The following ITPR1 variants were observed in gnomAD, a reference collection of about 807,000 sequenced individuals.
The protein encoded by ITPR1 is inositol 1,4,5-trisphosphate receptor type 1, also known as inositol 1,4,5-trisphosphate-gated calcium channel ITPR1.
ITPR1 carries 96 observed loss-of-function variants against 318.4 expected under a neutral mutation model. The ratio of observed to expected loss-of-function variants is 0.30; its 90% confidence interval spans 0.26 to 0.36. ITPR1 has a LOEUF of 0.36. ITPR1 is among the 10% of genes least tolerant of loss of function. The probability of loss-of-function intolerance (pLI) is 1.00; values close to 1 mark genes in which losing one functional copy is unlikely to be tolerated. For synonymous variants in ITPR1, 1,312 were observed against 1,289.9 expected (o/e 1.02, Z -0.37); for missense variants, 2,440 against 3,460.2 (o/e 0.71, Z 7.40).
At chr3:4,577,176 G>A (rs1330931491) in intron 4 of ITPR1, among the ~76,000 whole-genome samples, 1 of 152,274 alleles carries the variant, frequency 6.6e-6, no homozygotes, top group Admixed American at 6.5e-5. Flanking sequence ...TGAGGGCCCT[G>A]GGCACATGAT....
chr3:4,521,471 T>A (rs2082559864), intron 4 of ITPR1, among the ~76,000 whole-genome samples: 1 of 152,188 alleles, frequency 6.6e-6, no homozygotes, highest in South Asian at 2.1e-4. Context: ...TTAGATACCT[T>A]CTTTAAGAGG....
In ITPR1 at chr3:4,800,550, A is replaced by G; in HGVS notation, c.7057A>G (p.Ile2353Val). ...ALIASTILRL[I>V]FSVGLQPTLF... ...AATTGCCTCCACAATTCTACGACTG[A>G]TATTTTCAGTCGGGTTACAACCCAC... is the stretch of plus-strand genomic sequence containing the variant. The change falls in exon 54 of 62, where the codon ATA becomes GTA. Residue 2353 changes from isoleucine to valine, a missense_variant. Transcript: ENST00000649015. The G allele has an allele frequency of 6.2e-7, 1 of 1,614,008 alleles. No homozygotes were observed. The highest frequency in any genetic ancestry group is 8.5e-7 in the Non-Finnish European group (1 of 1,179,900).
intron 47 of ITPR1, 71 bp downstream of exon 47, chr3:4,775,513 C>T: frequency 1.7e-6 from 2 of 1,195,846 alleles, no homozygotes; most frequent in East Asian, 2.3e-5. Context: ...GAGACTAGTT[C>T]AGAAATCACG....
chr3:4,763,196 T>TGTTGGGGGAGGCAGGA (rs2045571762), intron 44 of ITPR1, among the ~76,000 whole-genome samples: 1 of 152,100 alleles, frequency 6.6e-6, no homozygotes, highest in South Asian at 2.1e-4. Flanking sequence ...CACTGGGTCC[T>TGTTGGGGGAGGCAGGA]GTTGGGGGAG....
intron 4 of ITPR1, among the ~76,000 whole-genome samples, chr3:4,527,008 G>A (rs1392763429): frequency 6.6e-6 from 1 of 152,174 alleles, no homozygotes; most frequent in Non-Finnish European, 1.5e-5. Context: ...AGTAAATGAG[G>A]ATGCTTTTCA....
At chr3:4,822,888 G>A (rs1230147345) in intron 60 of ITPR1, among the ~76,000 whole-genome samples, 1 of 152,152 alleles carries the variant, frequency 6.6e-6, no homozygotes, top group Non-Finnish European at 1.5e-5. Flanking sequence ...GCAGATCAAG[G>A]GAAGAGGGAA....
chr3:4,599,063 T>C (rs2091072447), intron 4 of ITPR1, among the ~76,000 whole-genome samples: 1 of 152,126 alleles, frequency 6.6e-6, no homozygotes, highest in Non-Finnish European at 1.5e-5. Context: ...GAAAAACCTA[T>C]TGAAATGTTC....
chr3:4,718,755 A>G (rs1174906758), intron 40 of ITPR1, among the ~76,000 whole-genome samples: 1 of 152,178 alleles, frequency 6.6e-6, no homozygotes, highest in Admixed American at 6.5e-5. Flanking sequence ...AACAAAAGGG[A>G]GTGCACCAAC....
intron 4 of ITPR1, among the ~76,000 whole-genome samples, chr3:4,532,134 C>T (rs959343421): frequency 4.6e-5 from 7 of 152,292 alleles, no homozygotes; most frequent in Non-Finnish European, 7.4e-5. Context: ...GCCCTTCCCC[C>T]CTATTGCATT....
chr3:4,568,124 A>G (rs1303121533), intron 4 of ITPR1, among the ~76,000 whole-genome samples: 1 of 152,198 alleles, frequency 6.6e-6, no homozygotes, highest in Non-Finnish European at 1.5e-5. Context: ...TGTGATTTTT[A>G]CATAGTTGGG....
intron 4 of ITPR1, among the ~76,000 whole-genome samples, chr3:4,620,119 T>C (rs2639802): frequency 0.3 from 45,611 of 151,768 alleles, 8,813 homozygotes; most frequent in East Asian, 0.56. Flanking sequence ...CCAGTTTGGG[T>C]CTTGAGCTAT....
intron 4 of ITPR1, among the ~76,000 whole-genome samples, chr3:4,581,926 G>C (rs1431778538): frequency 6.6e-6 from 1 of 150,870 alleles, no homozygotes; most frequent in Admixed American, 6.6e-5. Flanking sequence ...TGAAGATTTT[G>C]TGAGTTTTAT....
intron 49 of ITPR1, 56 bp from the exon 50 acceptor site, chr3:4,782,563 G>A: frequency 6.4e-7 from 1 of 1,554,112 alleles, no homozygotes; most frequent in Non-Finnish European, 8.7e-7. Flanking sequence ...TGTCCATCCA[G>A]TCCTGTGTGG....
At chr3:4,610,675 C>T (rs2092014620) in intron 4 of ITPR1, among the ~76,000 whole-genome samples, 1 of 152,106 alleles carries the variant, frequency 6.6e-6, no homozygotes, top group Non-Finnish European at 1.5e-5. Context: ...AAGGGTTTAA[C>T]CCGAAGTCCA....
chr3:4,656,049 G>C (rs886328684), intron 12 of ITPR1, among the ~76,000 whole-genome samples: 2 of 152,138 alleles, frequency 1.3e-5, no homozygotes, highest in African/African-American at 4.8e-5. Context: ...TGTTGTGCTC[G>C]TCCTTCTAAA....
At chr3:4,806,916 C>T (rs1189299504) in intron 55 of ITPR1, among the ~76,000 whole-genome samples, 1 of 151,984 alleles carries the variant, frequency 6.6e-6, no homozygotes, top group Non-Finnish European at 1.5e-5. Context: ...AGACCTGTGG[C>T]GTTGTAGATA....
At chr3:4,809,975 T>C (rs2048832754) in intron 55 of ITPR1, among the ~76,000 whole-genome samples, 1 of 152,164 alleles carries the variant, frequency 6.6e-6, no homozygotes, top group South Asian at 2.1e-4. Flanking sequence ...TTCACAGAAC[T>C]AGTCTCAGAA....
chr3:4,754,052 G>GC (rs1054950964), intron 44 of ITPR1, among the ~76,000 whole-genome samples: 2 of 131,984 alleles, frequency 1.5e-5, no homozygotes, highest in East Asian at 2.1e-4. Context: ...AGAAAATGGG[G>GC]GGGGGGTGGC....
chr3:4,774,196 T>C (rs1483711878), intron 46 of ITPR1, among the ~76,000 whole-genome samples: 1 of 152,230 alleles, frequency 6.6e-6, no homozygotes, highest in Non-Finnish European at 1.5e-5. Flanking sequence ...TCTTTCCATA[T>C]TGGCACATAG....
Sources: gnomAD v4.1 joint callset for allele counts (sites outside exome capture counted in the v4.1 genomes callset) on GRCh38, gnomAD v4.1.1 for gene constraint, MANE v1.5 for transcripts, NCBI Gene and HGNC (gene_info 2026-07-23, HGNC 2026-07-21) for gene names.